Variants in EYS observed in about 807,000 individuals in gnomAD.
The protein encoded by EYS is protein eyes shut homolog.
In EYS, 250 loss-of-function variants were observed where a neutral mutation model predicts 282.1. The observed-to-expected ratio is 0.89, with a 90% CI of 0.80 to 0.98. The LOEUF is 0.98. Ranked by LOEUF, EYS falls within the 50% of genes least tolerant of loss-of-function variation. EYS has a pLI of 0.00. For synonymous variants in EYS, 1,355 were observed against 1,282.9 expected (o/e 1.06, Z -1.20); for missense variants, 4,016 against 3,709.0 (o/e 1.08, Z -2.15).
chr6:64,699,678 A>T (rs1770713114), intron 22 of EYS, among the ~76,000 whole-genome samples: 1 of 152,154 alleles, frequency 6.6e-6, no homozygotes, highest in South Asian at 2.1e-4. Context: ...GATCAATAAC[A>T]AGTAATGACA....
intron 5 of EYS, among the ~76,000 whole-genome samples, chr6:65,464,611 A>G (rs374958125): frequency 6.6e-6 from 1 of 152,244 alleles, no homozygotes; most frequent in East Asian, 1.9e-4. Context: ...CCTTTTAATA[A>G]ATTGGAGCCC....
At chr6:64,987,254 C>G (rs1383451834) in intron 14 of EYS, among the ~76,000 whole-genome samples, 1 of 151,452 alleles carries the variant, frequency 6.6e-6, no homozygotes, top group Non-Finnish European at 1.5e-5. Flanking sequence ...AGCTTCCATG[C>G]AGATAAGCAT....
chr6:64,809,644 A>G (rs549314900), intron 22 of EYS, among the ~76,000 whole-genome samples: 1 of 152,244 alleles, frequency 6.6e-6, no homozygotes, highest in African/African-American at 2.4e-5. Context: ...ATGCAGCCAC[A>G]AAAAATAATG....
intron 12 of EYS, among the ~76,000 whole-genome samples, chr6:65,179,016 G>T (rs888915336): frequency 6.6e-6 from 1 of 152,042 alleles, no homozygotes; most frequent in Non-Finnish European, 1.5e-5. Context: ...AAACCAATGA[G>T]AACAAAGACA....
At chr6:64,392,986 A>T (rs946530834) in intron 28 of EYS, among the ~76,000 whole-genome samples, 1 of 152,200 alleles carries the variant, frequency 6.6e-6, no homozygotes, top group African/African-American at 2.4e-5. Context: ...ACCATCAGAG[A>T]ATACTACAAA....
At chr6:65,223,350 G>A (rs1202738892) in intron 12 of EYS, among the ~76,000 whole-genome samples, 1 of 152,072 alleles carries the variant, frequency 6.6e-6, no homozygotes, top group Non-Finnish European at 1.5e-5. Context: ...CTGGGCAACA[G>A]AATGAGACTC....
intron 26 of EYS, among the ~76,000 whole-genome samples, chr6:64,572,410 A>C (rs1765755159): frequency 6.6e-6 from 1 of 152,132 alleles, no homozygotes; most frequent in Admixed American, 6.6e-5. Context: ...CAGGGCAATC[A>C]GGCAAGAGAA....
At position 64,067,712 on chromosome 6, in the gene EYS, T is replaced by C. The variant is rs554882213; in HGVS notation, c.6572-1221A>G. ...GTACAGGAAAAAATCATAATACTGATAGGGTTCAGTACTATCCACAGTTTC... is the reference window on the plus strand; with the variant it reads ...GTACAGGAAAAAATCATAATACTGACAGGGTTCAGTACTATCCACAGTTTC... On this transcript the variant is annotated intron_variant, in intron 32 of 42. Transcript: ENST00000503581. 8.6e-4 allele frequency among the ~76,000 whole-genome samples: 131 copies of C among 152,276 alleles called. 1 individual carries two copies. The highest frequency in any genetic ancestry group is 2.6e-3 in the Admixed American group (39 of 15,280).
chr6:64,198,266 C>A (rs1352445851), intron 31 of EYS, among the ~76,000 whole-genome samples: 1 of 151,930 alleles, frequency 6.6e-6, no homozygotes, highest in African/African-American at 2.4e-5. Flanking sequence ...CTCGGCCTCC[C>A]AAAGGGCTGG....
chr6:64,513,574 G>A (rs539861105), intron 26 of EYS, among the ~76,000 whole-genome samples: 4 of 151,820 alleles, frequency 2.6e-5, no homozygotes, highest in Non-Finnish European at 5.9e-5. Context: ...TGGATAATGG[G>A]CAGCTAATGG....
At chr6:64,043,755 T>C (rs1320940634) in intron 33 of EYS, among the ~76,000 whole-genome samples, 2 of 152,196 alleles carry the variant, frequency 1.3e-5, no homozygotes, top group Non-Finnish European at 2.9e-5. Flanking sequence ...TTCAAGAAAG[T>C]CATTTGGAGG....
At chr6:64,181,045 C>T (rs566877759) in intron 31 of EYS, among the ~76,000 whole-genome samples, 8 of 152,238 alleles carry the variant, frequency 5.3e-5, no homozygotes, top group Middle Eastern at 3.4e-3. Flanking sequence ...AAAGTGAGAA[C>T]ATGCTGTATT....
chr6:65,660,262 T>C (rs2149825010), intron 1 of EYS, among the ~76,000 whole-genome samples: 1 of 151,952 alleles, frequency 6.6e-6, no homozygotes, highest in East Asian at 1.9e-4. Flanking sequence ...TCCCCTGTTT[T>C]AAGTATGAAT....
chr6:64,567,503 C>A (rs1029909722), intron 26 of EYS, among the ~76,000 whole-genome samples: 1 of 152,088 alleles, frequency 6.6e-6, no homozygotes, highest in Non-Finnish European at 1.5e-5. Flanking sequence ...AAGAAATTCA[C>A]TGTCCAGTGA....
At chr6:64,223,295 G>GA (rs1436907760) in intron 31 of EYS, among the ~76,000 whole-genome samples, 3 of 151,546 alleles carry the variant, frequency 2.0e-5, no homozygotes, top group East Asian at 3.9e-4. Context: ...ATTTATTTTA[G>GA]AAAAAAATGC....
chr6:65,210,931 A>AACACACACACAC (rs59095242), intron 12 of EYS, among the ~76,000 whole-genome samples: 220 of 148,492 alleles, frequency 1.5e-3, no homozygotes, highest in African/African-American at 4.8e-3. Context: ...AAGTCGTACA[A>AACACACACACAC]ACACACACAC....
At chr6:64,159,042 A>G (rs1428049039) in intron 31 of EYS, among the ~76,000 whole-genome samples, 2 of 152,160 alleles carry the variant, frequency 1.3e-5, no homozygotes, top group Non-Finnish European at 2.9e-5. Context: ...AGTAGTATAT[A>G]CAGTTGTTCA....
chr6:64,826,669 TAC>T (rs1225960631), intron 19 of EYS, among the ~76,000 whole-genome samples: 1 of 128,456 alleles, frequency 7.8e-6, no homozygotes, highest in Non-Finnish European at 1.6e-5. Flanking sequence ...ATTATATAAA[TAC>T]ATGATTTTAT....
chr6:65,057,157 T>A (rs1289212473), intron 13 of EYS, among the ~76,000 whole-genome samples: 3 of 152,020 alleles, frequency 2.0e-5, no homozygotes, highest in Non-Finnish European at 4.4e-5. Context: ...AGGATTTGTT[T>A]AGTTTATGGA....
Sources: allele counts gnomAD v4.1 joint callset (sites outside exome capture counted in the v4.1 genomes callset), GRCh38; gene constraint gnomAD v4.1.1; transcripts MANE v1.5; gene names NCBI Gene and HGNC (gene_info 2026-07-23, HGNC 2026-07-21).